Variants in NECTIN3 observed in about 807,000 individuals in gnomAD.
The protein encoded by NECTIN3 is nectin-3.
NECTIN3 carries 8 observed loss-of-function variants against 49.4 expected under a neutral mutation model. That is an observed-to-expected ratio of 0.16 (90% CI 0.10 to 0.29). The LOEUF is 0.29. NECTIN3 is among the 10% of genes least tolerant of loss of function. NECTIN3 has a pLI of 1.00. For missense variants in NECTIN3, 581 were observed against 654.6 expected, an observed-to-expected ratio of 0.89 and a Z score of 1.23; for synonymous variants, 277 against 241.1, an observed-to-expected ratio of 1.15 and a Z score of -1.38.
chr3:111,104,176 T>C (rs759871926), intron 1 of NECTIN3, among the ~76,000 whole-genome samples: 1 of 152,214 alleles, frequency 6.6e-6, no homozygotes, highest in African/African-American at 2.4e-5. Flanking sequence ...AAACTTGTTA[T>C]TGTCAGCCCA....
rs530951007 is a variant in NECTIN3, at chr3:111,124,676, A to G, written c.918-1508A>G. On this transcript the variant is annotated intron_variant, in intron 4 of 5. Coordinates refer to ENST00000485303, the MANE Select transcript of NECTIN3 (RefSeq NM_015480.3). The stretch of plus-strand genomic sequence containing the variant: ...ATTGAAGTACTACCAACTCTAAAAG[A>G]TTTTACAGATTATTTTACCACTCAC... Among the ~76,000 whole-genome samples, 14 of 152,304 alleles carry G rather than the reference A, an allele frequency of 9.2e-5. No homozygotes were observed. The South Asian group carries it at 2.3e-3, about 25-fold the overall frequency.
chr3:111,156,993 A>G (rs528249293), intron 7 of NECTIN3, among the ~76,000 whole-genome samples: 2 of 152,256 alleles, frequency 1.3e-5, no homozygotes, highest in East Asian at 1.9e-4. Flanking sequence ...TTAAATACAT[A>G]TATCACTTGC....
chr3:111,128,794 C>T (rs1482920860), intron 5 of NECTIN3, among the ~76,000 whole-genome samples: 2 of 152,138 alleles, frequency 1.3e-5, no homozygotes, highest in Non-Finnish European at 2.9e-5. Context: ...AGCCATAAGC[C>T]ACTCTTATTT....
chr3:111,154,308 C>A lies in NECTIN3; in HGVS notation c.1221+6824C>A, dbSNP rs576773195. ...TCTTGGTCTTTCTTCTTTCACTCTA[C>A]ATAGTGATTTTGAGATTCATTCATG... On this transcript the variant is annotated intron_variant, in intron 7 of 8. Coordinates refer to the NECTIN3 transcript ENST00000493615. Among the ~76,000 whole-genome samples, 7 of 152,262 alleles carry A rather than the reference C, an allele frequency of 4.6e-5. 1 individual carries two copies. The South Asian group carries it at 1.4e-3, about 32-fold the overall frequency.
Position 111,112,320 on chromosome 3 carries a change from G to A in NECTIN3, c.451G>A (p.Val151Ile). ...TTCTGGAAAATACATCTGCAAAGCT[G>A]TTACATTCCCGCTTGGAAATGCCCA... ...SDSGKYICKA[V>I]TFPLGNAQSS... Residue 151 changes from valine to isoleucine, a missense_variant, in exon 2 of 6, where the codon GTT becomes ATT. By Grantham distance (29) the Val-to-Ile change is conservative. Around this residue, in one of 3 missense-constraint regions of NECTIN3, gnomAD observed 234 missense variants for 340.6 expected, o/e 0.69. Coordinates refer to ENST00000485303, the MANE Select transcript of NECTIN3 (RefSeq NM_015480.3). The A allele has an allele frequency of 6.2e-7, 1 of 1,613,404 alleles. No homozygotes were observed. Among genetic ancestry groups the A allele is most frequent in the Non-Finnish European group, 8.5e-7 (1 of 1,179,578 alleles).
intron 4 of NECTIN3, among the ~76,000 whole-genome samples, chr3:111,125,022 CTTTTTTT>C (rs869201432): frequency 1.7e-4 from 15 of 90,198 alleles, no homozygotes; most frequent in Non-Finnish European, 2.8e-4. Context: ...TCTTTTCTTT[CTTTTTTT>C]TTTTTTTTTT....
At chr3:111,157,220 A>C (rs1225823182) in intron 7 of NECTIN3, among the ~76,000 whole-genome samples, 1 of 152,164 alleles carries the variant, frequency 6.6e-6, no homozygotes, top group Non-Finnish European at 1.5e-5. Flanking sequence ...AAAACGCATT[A>C]GGCCTGTTAA....
At chr3:111,077,960 T>G (rs1276251820) in intron 1 of NECTIN3, among the ~76,000 whole-genome samples, 6 of 152,252 alleles carry the variant, frequency 3.9e-5, no homozygotes, top group Non-Finnish European at 8.8e-5. Flanking sequence ...GAAATTAATC[T>G]TATTTTATTT....
chr3:111,104,437 CAGACTCCTG>C (rs897082882), intron 1 of NECTIN3, among the ~76,000 whole-genome samples: 4 of 150,208 alleles, frequency 2.7e-5, no homozygotes, highest in Non-Finnish European at 4.4e-5. Context: ...TCTTCCATCT[CAGACTCCTG>C]AATAGCTGGG....
chr3:111,169,410 G>T, intron 7 of NECTIN3, among the ~76,000 whole-genome samples: 1 of 146,796 alleles, frequency 6.8e-6, no homozygotes, highest in African/African-American at 2.5e-5. Context: ...GAGCACAGTT[G>T]GATATTCAAG....
chr3:111,102,210 A>T (rs769466545), intron 1 of NECTIN3, among the ~76,000 whole-genome samples: 8 of 152,174 alleles, frequency 5.3e-5, no homozygotes, highest in Non-Finnish European at 8.8e-5. Context: ...AGTTTTCAAG[A>T]ATGTACAATT....
At chr3:111,080,879 A>G (rs2031555935) in intron 1 of NECTIN3, among the ~76,000 whole-genome samples, 1 of 152,168 alleles carries the variant, frequency 6.6e-6, no homozygotes, top group African/African-American at 2.4e-5. Context: ...AAGTGATATG[A>G]TATAGTTTAC....
At chr3:111,093,455 G>A (rs1296272057) in intron 1 of NECTIN3, among the ~76,000 whole-genome samples, 7 of 140,512 alleles carry the variant, frequency 5.0e-5, no homozygotes, top group African/African-American at 1.5e-4. Context: ...ACAGAGTTTC[G>A]CTCTTGTTGC....
chr3:111,114,555 G>A (rs2033608859), intron 2 of NECTIN3, among the ~76,000 whole-genome samples: 1 of 152,174 alleles, frequency 6.6e-6, no homozygotes, highest in South Asian at 2.1e-4. Context: ...CAGTCATACA[G>A]TGTTATTTGA....
At chr3:111,141,964 T>C (rs930979481), downstream of NECTIN3, among the ~76,000 whole-genome samples, 1 of 151,882 alleles carries the variant, frequency 6.6e-6, no homozygotes, top group Admixed American at 6.6e-5. Flanking sequence ...GAAGTATGTA[T>C]ATGTTTATTT....
At chr3:111,193,113 AGTG>A in intron 1 of NECTIN3, 1 of 1,175,656 alleles carries the variant, frequency 8.5e-7, no homozygotes, top group Non-Finnish European at 1.2e-6. Context: ...ACTAAACTGT[AGTG>A]AATTCTATTC....
chr3:111,146,048 C>T (rs367703025), intron 6 of NECTIN3, among the ~76,000 whole-genome samples: 22 of 152,012 alleles, frequency 1.4e-4, no homozygotes, highest in African/African-American at 5.3e-4. Flanking sequence ...CTGTGATTTT[C>T]GTTGGATTAG....
chr3:111,151,760 A>G (rs1378411730), intron 7 of NECTIN3, among the ~76,000 whole-genome samples: 2 of 151,926 alleles, frequency 1.3e-5, no homozygotes, highest in African/African-American at 4.8e-5. Context: ...ATGTTTGTAA[A>G]TATTCATGAC....
chr3:111,136,059 CTTTATT>C lies in NECTIN3; in HGVS notation c.*1849_*1854del, dbSNP rs917699982. 3.1e-6 allele frequency: 3 copies of C among 981,378 alleles called. No homozygotes were observed. Among genetic ancestry groups the C allele is most frequent in the African/African-American group, 1.8e-5 (1 of 56,970 alleles). 60.8% of individuals were successfully genotyped at this position (981,378 alleles called of 1,614,324 possible). On this transcript the variant is annotated 3_prime_UTR_variant, in exon 6 of 6. Transcript: ENST00000485303. The stretch of plus-strand genomic sequence containing the variant: ...TGATAAAACACTGTGATTGATGTGA[CTTTATT>C]TTTAATTTAAACGATGAGGTGGCCA...
Sources: gnomAD v4.1 joint callset for allele counts (sites outside exome capture counted in the v4.1 genomes callset) on GRCh38, gnomAD v4.1.1 for gene constraint, gnomAD v4.1.1 regional missense constraint, MANE v1.5 for transcripts, NCBI Gene and HGNC (gene_info 2026-07-23, HGNC 2026-07-21) for gene names.